PUDP: variants seen among roughly 807,000 people sequenced by gnomAD.
PUDP encodes pseudouridine 5'-phosphatase, also known as pseudouridine-5'-phosphatase.
Under a neutral mutation model 9.4 loss-of-function variants are expected in PUDP, and 8 were observed. That is an observed-to-expected ratio of 0.85 (90% confidence interval 0.50 to 1.53). PUDP has a LOEUF of 1.53. PUDP is among the 40% of genes most tolerant of loss of function. The pLI is 0.00. For synonymous variants in PUDP, 99 were observed against 80.7 expected, an observed-to-expected ratio of 1.23 and a Z score of -1.22; for missense variants, 188 against 189.7, an observed-to-expected ratio of 0.99 and a Z score of 0.05.
intron 2 of PUDP, among the ~76,000 whole-genome samples, chrX:7,084,567 CACA>C (rs1432159736): frequency 1.8e-5 from 2 of 111,987 alleles, no homozygotes; most frequent in Non-Finnish European, 3.8e-5. Context: ...CCCTGCACTA[CACA>C]ACAATGCTCA....
intron 3 of PUDP, among the ~76,000 whole-genome samples, chrX:6,754,480 T>A (rs905332879): frequency 7.2e-5 from 8 of 110,375 alleles, no homozygotes; most frequent in African/African-American, 2.3e-4. Flanking sequence ...ATATGTAAAT[T>A]GGTGAGATCT....
At chrX:6,980,718 C>CT (rs1929021131) in intron 1 of PUDP, among the ~76,000 whole-genome samples, 1 of 110,492 alleles carries the variant, frequency 9.1e-6, no homozygotes, top group South Asian at 3.8e-4. Flanking sequence ...CACGTATGTC[C>CT]TTTTATTCTT....
chrX:6,930,110 C>T (rs1340402590), intron 3 of PUDP, among the ~76,000 whole-genome samples: 1 of 110,125 alleles, frequency 9.1e-6, no homozygotes, highest in East Asian at 2.9e-4. Context: ...TGAAGGTGAT[C>T]CTAGGCTACC....
intron 3 of PUDP, among the ~76,000 whole-genome samples, chrX:6,786,944 T>C (rs1365011922): frequency 9.0e-6 from 1 of 111,563 alleles, no homozygotes; most frequent in African/African-American, 3.3e-5. Flanking sequence ...CAGAGATCCT[T>C]CGATCCTTCA....
intron 1 of PUDP, among the ~76,000 whole-genome samples, chrX:7,128,159 A>C (rs1932529101): frequency 9.0e-6 from 1 of 110,897 alleles, no homozygotes; most frequent in Non-Finnish European, 1.9e-5. Flanking sequence ...CTCATGCCTC[A>C]GCCTCCCGAG....
intron 1 of PUDP, among the ~76,000 whole-genome samples, chrX:7,021,994 T>A (rs1188220182): frequency 1.8e-5 from 2 of 112,255 alleles, no homozygotes; most frequent in Non-Finnish European, 3.8e-5. Flanking sequence ...ATTGTCAGCA[T>A]CCTTGGGCTT....
intron 2 of PUDP, among the ~76,000 whole-genome samples, chrX:7,104,422 T>G (rs181832529): frequency 2.5e-4 from 28 of 112,127 alleles, no homozygotes; most frequent in African/African-American, 9.1e-4. Context: ...GGGGACTTGT[T>G]CAATGAGCAC....
At chrX:6,773,532 T>G (rs749350985) in intron 3 of PUDP, among the ~76,000 whole-genome samples, 2 of 111,342 alleles carry the variant, frequency 1.8e-5, no homozygotes, top group Non-Finnish European at 3.8e-5. Context: ...TCAAATAGTT[T>G]GGGATGTGAT....
At chrX:7,006,662 A>T (rs1929406812) in intron 1 of PUDP, among the ~76,000 whole-genome samples, 1 of 111,148 alleles carries the variant, frequency 9.0e-6, no homozygotes, top group Non-Finnish European at 1.9e-5. Flanking sequence ...GTTTGGTTTC[A>T]ATCATGGCTG....
intron 3 of PUDP, among the ~76,000 whole-genome samples, chrX:6,938,494 GA>G (rs1263615478): frequency 6.9e-5 from 5 of 72,712 alleles, no homozygotes; most frequent in African/African-American, 2.6e-4. Flanking sequence ...GGGGTCGGGG[GA>G]GGGGGGAGGG....
chrX:7,016,350 G>A (rs1315251707), intron 1 of PUDP, among the ~76,000 whole-genome samples: 1 of 110,275 alleles, frequency 9.1e-6, no homozygotes, highest in Non-Finnish European at 1.9e-5. Flanking sequence ...AGGTCATGGG[G>A]GAAGTTCATA....
At chrX:6,725,920 A>G (rs1488992408), upstream of PUDP, among the ~76,000 whole-genome samples, 1 of 111,773 alleles carries the variant, frequency 8.9e-6, no homozygotes, top group Non-Finnish European at 1.9e-5. Flanking sequence ...CTGGGCATCT[A>G]CCCAAAGGAA....
chrX:6,833,547 A>C (rs1356943515), intron 3 of PUDP, among the ~76,000 whole-genome samples: 1 of 111,643 alleles, frequency 9.0e-6, no homozygotes, highest in African/African-American at 3.3e-5. Flanking sequence ...TAATAGATGA[A>C]TAGGTAGACG....
chrX:6,872,809 T>C (rs1256695686), intron 3 of PUDP, among the ~76,000 whole-genome samples: 1 of 108,636 alleles, frequency 9.2e-6, no homozygotes, highest in African/African-American at 3.4e-5. Flanking sequence ...TAAAATTCAA[T>C]CCATAACCAT....
intron 3 of PUDP, among the ~76,000 whole-genome samples, chrX:6,923,633 C>T (rs1386544669): frequency 1.8e-5 from 2 of 111,504 alleles, no homozygotes; most frequent in African/African-American, 6.5e-5. Flanking sequence ...ACCCCCAGGA[C>T]ATCGCCCTGG....
chrX:7,050,987 T>C (rs1038008524), intron 3 of PUDP, among the ~76,000 whole-genome samples: 2 of 111,989 alleles, frequency 1.8e-5, no homozygotes, highest in Non-Finnish European at 3.8e-5. Flanking sequence ...CACGAAAACG[T>C]AGTGTGCGTG....
intron 1 of PUDP, among the ~76,000 whole-genome samples, chrX:7,130,743 G>A (rs915487612): frequency 6.3e-5 from 7 of 111,089 alleles, no homozygotes; most frequent in Admixed American, 9.5e-5. Flanking sequence ...GCAATTAGCC[G>A]GGTGCAGTGG....
intron 1 of PUDP, chrX:7,117,058 A>G: frequency 8.6e-7 from 1 of 1,164,089 alleles, no homozygotes. Flanking sequence ...AGCCAATTAA[A>G]CCGTTGTTCT....
chrX:6,922,157 A>T (rs1037525137), intron 3 of PUDP, among the ~76,000 whole-genome samples: 2 of 111,456 alleles, frequency 1.8e-5, no homozygotes, highest in Admixed American at 1.9e-4. Context: ...AGCTACAAAA[A>T]AATAGAAAAA....
Sources: gnomAD v4.1 joint callset for allele counts (sites outside exome capture counted in the v4.1 genomes callset) on GRCh38, gnomAD v4.1.1 for gene constraint, MANE v1.5 for transcripts, NCBI Gene and HGNC (gene_info 2026-07-23, HGNC 2026-07-21) for gene names.